CHST8: variants seen among roughly 807,000 people sequenced by gnomAD.
CHST8 encodes carbohydrate sulfotransferase 8.
Under a neutral mutation model 15.0 loss-of-function variants are expected in CHST8, and 10 were observed. The observed-to-expected ratio is 0.67, with a 90% CI of 0.41 to 1.13. The LOEUF is 1.13. CHST8 is among the 50% of genes most tolerant of loss of function. CHST8 has a pLI of 0.00. For missense variants in CHST8, 634 were observed against 608.2 expected, an observed-to-expected ratio of 1.04 and a Z score of -0.45; for synonymous variants, 259 against 256.6, an observed-to-expected ratio of 1.01 and a Z score of -0.09.
At chr19:33,625,849 GAGA>G (rs1568306408) in intron 1 of CHST8, among the ~76,000 whole-genome samples, 4 of 152,284 alleles carry the variant, frequency 2.6e-5, no homozygotes, top group Non-Finnish European at 5.9e-5. Flanking sequence ...GCGACAAAGC[GAGA>G]CTGTCTCAAA....
At chr19:33,622,567 C>G (rs113843182) in intron 1 of CHST8, among the ~76,000 whole-genome samples, 4,365 of 152,246 alleles carry the variant, frequency 0.029, 218 homozygotes, top group African/African-American at 0.1. Context: ...TGGGAACTGC[C>G]GTCCCTCGGG....
intron 3 of CHST8, among the ~76,000 whole-genome samples, chr19:33,697,099 T>C (rs1367462693): frequency 6.6e-6 from 1 of 152,106 alleles, no homozygotes; most frequent in Non-Finnish European, 1.5e-5. Flanking sequence ...TGCCTCAGCC[T>C]CCCAAAGTGC....
At chr19:33,670,993 C>T (rs10420186) in intron 2 of CHST8, among the ~76,000 whole-genome samples, 9 of 152,046 alleles carry the variant, frequency 5.9e-5, no homozygotes, top group East Asian at 1.9e-4. Flanking sequence ...GTCTGGACCC[C>T]GGCATCCTGG....
chr19:33,757,422 G>T (rs186372661), intron 3 of CHST8, among the ~76,000 whole-genome samples: 4,336 of 15,688 alleles, frequency 0.28, 722 homozygotes, highest in Non-Finnish European at 0.3. Flanking sequence ...AAGAAAGAAA[G>T]AAAGAAAGAA....
intron 2 of CHST8, among the ~76,000 whole-genome samples, chr19:33,684,253 G>C (rs1013914799): frequency 6.6e-6 from 1 of 152,208 alleles, no homozygotes; most frequent in Non-Finnish European, 1.5e-5. Flanking sequence ...CCGCTGCAGA[G>C]CATGGGGCTG....
chr19:33,650,849 C>T (rs1972438967), intron 1 of CHST8, among the ~76,000 whole-genome samples: 1 of 152,104 alleles, frequency 6.6e-6, no homozygotes, highest in African/African-American at 2.4e-5. Context: ...GCTGGGACTA[C>T]AGGCATGTGC....
At chr19:33,702,020 G>A (rs947285181) in intron 3 of CHST8, among the ~76,000 whole-genome samples, 9 of 152,104 alleles carry the variant, frequency 5.9e-5, no homozygotes, top group East Asian at 3.8e-4. Flanking sequence ...ATGGAATCTC[G>A]CTGTGTCACC....
intron 1 of CHST8, among the ~76,000 whole-genome samples, chr19:33,644,991 T>C (rs1177945060): frequency 6.6e-6 from 1 of 152,182 alleles, no homozygotes; most frequent in Non-Finnish European, 1.5e-5. Context: ...GAGACATTTT[T>C]GATGGTCATG....
At chr19:33,702,844 A>G (rs1878458) in intron 3 of CHST8, among the ~76,000 whole-genome samples, 17,923 of 152,290 alleles carry the variant, frequency 0.12, 1,110 homozygotes, top group Middle Eastern at 0.18. Context: ...GGAGGTCACA[A>G]TCTGTGCATG....
intron 3 of CHST8, among the ~76,000 whole-genome samples, chr19:33,701,954 A>G (rs1226569100): frequency 6.6e-6 from 1 of 152,026 alleles, no homozygotes; most frequent in Non-Finnish European, 1.5e-5. Context: ...TCCTTTTGCT[A>G]TTAGTTAATG....
intron 3 of CHST8, among the ~76,000 whole-genome samples, chr19:33,727,116 C>T (rs574940507): frequency 1.3e-5 from 2 of 151,966 alleles, no homozygotes; most frequent in Non-Finnish European, 2.9e-5. Context: ...CTTCTGGCCA[C>T]GCGTCCTGCT....
chr19:33,739,292 A>G (rs969819587), intron 3 of CHST8, among the ~76,000 whole-genome samples: 1 of 152,126 alleles, frequency 6.6e-6, no homozygotes, highest in Admixed American at 6.5e-5. Flanking sequence ...AAGTGTTAAC[A>G]AGCAGAGGAA....
At chr19:33,714,341 G>A (rs947442129) in intron 3 of CHST8, among the ~76,000 whole-genome samples, 1 of 152,068 alleles carries the variant, frequency 6.6e-6, no homozygotes, top group Non-Finnish European at 1.5e-5. Flanking sequence ...ATGAAATCAT[G>A]TCTTTTGCTG....
chr19:33,675,790 A>G (rs1282426283), intron 2 of CHST8, among the ~76,000 whole-genome samples: 1 of 152,250 alleles, frequency 6.6e-6, no homozygotes, highest in African/African-American at 2.4e-5. Context: ...GCTTCTGACC[A>G]GTGAGGCTGT....
intron 1 of CHST8, among the ~76,000 whole-genome samples, chr19:33,632,141 T>C (rs552259757): frequency 0.084 from 4,301 of 51,132 alleles, 84 homozygotes; most frequent in Middle Eastern, 0.16. Flanking sequence ...CTCTCTCTCT[T>C]TTTTTTTTTT....
chr19:33,714,700 T>C (rs1057185661), intron 3 of CHST8, among the ~76,000 whole-genome samples: 3 of 151,968 alleles, frequency 2.0e-5, no homozygotes, highest in Non-Finnish European at 4.4e-5. Context: ...ATCATGGGAG[T>C]GGGTCTTTCC....
intron 3 of CHST8, among the ~76,000 whole-genome samples, chr19:33,700,917 T>G (rs1973320853): frequency 6.6e-6 from 1 of 152,202 alleles, no homozygotes; most frequent in South Asian, 2.1e-4. Flanking sequence ...GGGATGGACA[T>G]GGAGTGCTCC....
At chr19:33,679,547 G>A (rs1198206802) in intron 2 of CHST8, among the ~76,000 whole-genome samples, 1 of 152,232 alleles carries the variant, frequency 6.6e-6, no homozygotes, top group East Asian at 1.9e-4. Context: ...CGAAGTGAGT[G>A]TATTTGCTTA....
intron 3 of CHST8, among the ~76,000 whole-genome samples, chr19:33,765,513 T>TTTTGTGTG (rs1974816387): frequency 7.6e-6 from 1 of 131,608 alleles, no homozygotes; most frequent in East Asian, 2.3e-4. Context: ...ATGCCAGTCT[T>TTTTGTGTG]TGTGTGTGTG....
Sources: gnomAD v4.1 joint callset for allele counts (sites outside exome capture counted in the v4.1 genomes callset) on GRCh38, gnomAD v4.1.1 for gene constraint, MANE v1.5 for transcripts, NCBI Gene and HGNC (gene_info 2026-07-23, HGNC 2026-07-21) for gene names.